The following GABRA3 variants were observed in gnomAD, a reference collection of about 807,000 sequenced individuals.
GABRA3 encodes the protein gamma-aminobutyric acid receptor subunit alpha-3.
In GABRA3, 10 loss-of-function variants were observed where a neutral mutation model predicts 30.1. That is an observed-to-expected ratio of 0.33 (90% CI 0.20 to 0.56). The LOEUF is 0.56. Among genes scored for constraint, GABRA3 ranks in the 20% least tolerant of loss-of-function variants. The pLI is 0.89. For missense variants in GABRA3, 233 were observed against 392.0 expected, an observed-to-expected ratio of 0.59 and a Z score of 3.42; for synonymous variants, 151 against 146.8, an observed-to-expected ratio of 1.03 and a Z score of -0.21.
At chrX:152,433,682 C>A (rs1602728159) in intron 1 of GABRA3, among the ~76,000 whole-genome samples, 2 of 54,685 alleles carry the variant, frequency 3.7e-5, no homozygotes, top group South Asian at 8.7e-4. Flanking sequence ...GAGCAGAATT[C>A]AATGAAATAG....
chrX:152,435,005 C>T (rs1930740365), intron 1 of GABRA3, among the ~76,000 whole-genome samples: 1 of 111,560 alleles, frequency 9.0e-6, no homozygotes, highest in Admixed American at 9.5e-5. Flanking sequence ...CTGTACACTT[C>T]CATTCAACAT....
chrX:152,323,130 C>T (rs1249159776), intron 3 of GABRA3, among the ~76,000 whole-genome samples: 6 of 110,660 alleles, frequency 5.4e-5, no homozygotes, highest in South Asian at 3.8e-4. Flanking sequence ...GGATTATAGG[C>T]GTGAGCCAAT....
Position 152,412,219 on chromosome X carries a change from T to C in GABRA3, c.-27+38927A>G, listed in dbSNP as rs1039303378. Among the ~76,000 whole-genome samples, 6 of 112,028 alleles carry C rather than the reference T, an allele frequency of 5.4e-5. No homozygotes were observed. In the East Asian group the frequency reaches 1.7e-3, roughly 31 times the overall value. On this transcript the variant is annotated intron_variant, in intron 1 of 9. Coordinates refer to ENST00000370314, the MANE Select transcript of GABRA3 (RefSeq NM_000808.4). Reference sequence around the variant, plus strand: ...GATTAGAACCCTTATATATTGCTGATGAGAATGCAAATTGGCTCAGCTACT... The same window carrying C: ...GATTAGAACCCTTATATATTGCTGACGAGAATGCAAATTGGCTCAGCTACT...
At chrX:152,279,494 T>C (rs1391448014) in intron 4 of GABRA3, among the ~76,000 whole-genome samples, 1 of 112,054 alleles carries the variant, frequency 8.9e-6, no homozygotes, top group African/African-American at 3.2e-5. Context: ...ACCAGTACCA[T>C]GCTGTTTTGG....
At chrX:152,204,384 C>G (rs758816121) in intron 7 of GABRA3, among the ~76,000 whole-genome samples, 1 of 111,255 alleles carries the variant, frequency 9.0e-6, no homozygotes, top group Non-Finnish European at 1.9e-5. Flanking sequence ...TCCTTACATC[C>G]TCCTTCCTTC....
At position 152,284,606 on chromosome X, in the gene GABRA3, C is replaced by G. The variant is rs868198338; in HGVS notation, c.330+62G>C. ...GCTACAAGGCCCTGCCTTAGGAAAG[C>G]TCCAATTTATTTTCTTTGGTCTAGT... On this transcript the variant is annotated intron_variant, in intron 4 of 9. Coordinates refer to ENST00000370314, the MANE Select transcript of GABRA3 (RefSeq NM_000808.4). 11 of 778,661 alleles carry G rather than the reference C, an allele frequency of 1.4e-5. No individual in the cohort carries two copies. The South Asian group carries it at 2.3e-4, about 16-fold the overall frequency. 64.2% of individuals were successfully genotyped at this position (778,661 alleles called of 1,213,427 possible).
chrX:152,207,559 G>T (rs943723333), intron 7 of GABRA3, among the ~76,000 whole-genome samples: 8 of 112,122 alleles, frequency 7.1e-5, no homozygotes, highest in African/African-American at 1.9e-4. Flanking sequence ...TACTCCCTGG[G>T]CATCCTGGCT....
At chrX:152,225,504 C>T (rs780171765) in intron 5 of GABRA3, among the ~76,000 whole-genome samples, 7 of 108,383 alleles carry the variant, frequency 6.5e-5, no homozygotes, top group Non-Finnish European at 1.3e-4. Context: ...TGGAGGACAT[C>T]GGAAACCTCA....
At chrX:152,367,181 T>A (rs1345094007) in intron 1 of GABRA3, among the ~76,000 whole-genome samples, 1 of 111,091 alleles carries the variant, frequency 9.0e-6, no homozygotes, top group Non-Finnish European at 1.9e-5. Flanking sequence ...CCAGGCTATG[T>A]TGCAAAAGTA....
chrX:152,329,511 G>A (rs760361192), intron 3 of GABRA3, among the ~76,000 whole-genome samples: 1 of 111,407 alleles, frequency 9.0e-6, no homozygotes, highest in East Asian at 2.8e-4. Context: ...ATAGACCAAC[G>A]GATCAGAACA....
intron 8 of GABRA3, among the ~76,000 whole-genome samples, chrX:152,191,406 G>A (rs1937324119): frequency 9.1e-6 from 1 of 109,516 alleles, no homozygotes; most frequent in Non-Finnish European, 1.9e-5. Context: ...GCCCATCTAT[G>A]AATATTCCCT....
chrX:152,368,915 C>T (rs990803241), intron 1 of GABRA3, among the ~76,000 whole-genome samples: 1 of 110,578 alleles, frequency 9.0e-6, no homozygotes, highest in African/African-American at 3.3e-5. Flanking sequence ...CCGTGTTAGC[C>T]AGGATTGTCT....
chrX:152,269,953 AC>A (rs2124425312), intron 4 of GABRA3, among the ~76,000 whole-genome samples: 1 of 112,106 alleles, frequency 8.9e-6, no homozygotes. Flanking sequence ...TTTATATAAG[AC>A]TCAAAAGCAT....
intron 5 of GABRA3, among the ~76,000 whole-genome samples, chrX:152,240,768 T>C (rs1409492734): frequency 9.9e-6 from 1 of 100,900 alleles, no homozygotes; most frequent in African/African-American, 3.9e-5. Flanking sequence ...CTGATACCCT[T>C]TCTTCCAGTT....
intron 7 of GABRA3, among the ~76,000 whole-genome samples, chrX:152,199,947 T>C (rs756673753): frequency 4.5e-5 from 5 of 111,849 alleles, no homozygotes; most frequent in Non-Finnish European, 7.5e-5. Context: ...CTTCTACTGC[T>C]ACCACCCTGG....
At chrX:152,237,502 C>A (rs1313509894) in intron 5 of GABRA3, among the ~76,000 whole-genome samples, 2 of 100,505 alleles carry the variant, frequency 2.0e-5, no homozygotes, top group East Asian at 3.3e-4. Flanking sequence ...TCCATATGAA[C>A]TTTAAAGTAG....
intron 1 of GABRA3, among the ~76,000 whole-genome samples, chrX:152,402,494 G>C (rs2124523392): frequency 9.0e-6 from 1 of 111,666 alleles, no homozygotes; most frequent in African/African-American, 3.2e-5. Context: ...TCATTTATAA[G>C]ATGAATTGGT....
chrX:152,219,472 G>C (rs776547751), intron 6 of GABRA3, among the ~76,000 whole-genome samples: 105 of 111,256 alleles, frequency 9.4e-4, no homozygotes, highest in Non-Finnish European at 1.5e-3. Context: ...TGAGAAATGA[G>C]CAAAACCAGA....
At chrX:152,286,872 A>G (rs1439797605) in intron 3 of GABRA3, among the ~76,000 whole-genome samples, 1 of 112,037 alleles carries the variant, frequency 8.9e-6, no homozygotes, top group African/African-American at 3.2e-5. Context: ...CTGAAACTAG[A>G]GCTGTGTTTT....
Sources: allele counts gnomAD v4.1 joint callset (sites outside exome capture counted in the v4.1 genomes callset), GRCh38; gene constraint gnomAD v4.1.1; transcripts MANE v1.5; gene names NCBI Gene and HGNC (gene_info 2026-07-23, HGNC 2026-07-21).